MYH4: variants seen among roughly 807,000 people sequenced by gnomAD.
MYH4 encodes the protein myosin-4.
A neutral mutation model predicts 229.9 loss-of-function variants in MYH4; 200 were observed. The observed-to-expected ratio is 0.87, with a 90% CI of 0.78 to 0.98. The LOEUF (loss-of-function observed/expected upper bound fraction) is 0.98. Among genes scored for constraint, MYH4 ranks in the 50% least tolerant of loss-of-function variants. The pLI, the probability that MYH4 is intolerant of heterozygous loss-of-function variation, is 0.00. For synonymous variants in MYH4, 761 were observed against 834.6 expected, an observed-to-expected ratio of 0.91 and a Z score of 1.52; for missense variants, 2,148 against 2,332.6, an observed-to-expected ratio of 0.92 and a Z score of 1.63.
In MYH4 at chr17:10,448,908, C is replaced by A; in HGVS notation, c.4321G>T (p.Ala1441Ser). The change falls in exon 31 of 40, where the codon GCT (alanine) becomes TCT (serine). Residue 1441 changes from alanine (A) to serine (S), a missense_variant. By Grantham distance (99) the Ala-to-Ser change is moderately conservative. Transcript: ENST00000255381. Reference sequence around the variant, plus strand: ...TTCTTATCGAGAGCTATGCAGGCAGCATTAGATCGTTCCACATCAATCATG... The same window carrying A: ...TTCTTATCGAGAGCTATGCAGGCAGAATTAGATCGTTCCACATCAATCATG... ...DLMIDVERSNAACIALDKKQR... is the reference protein window; with the variant it reads ...DLMIDVERSNSACIALDKKQR... The A allele has an allele frequency of 6.2e-7, 1 of 1,614,166 alleles. No homozygotes were observed. The highest frequency in any genetic ancestry group is 8.5e-7 in the Non-Finnish European group (1 of 1,180,020).
Position 10,459,240 on chromosome 17 carries a change from G to A in MYH4, c.1587+11C>T, listed in dbSNP as rs756152717. 11 of 1,613,978 alleles carry A rather than the reference G, an allele frequency of 6.8e-6. No homozygotes were observed. The highest frequency in any genetic ancestry group is 9.3e-6 in the Non-Finnish European group (11 of 1,179,920). ...TTTTCATGTTTTGAAAGCTAGAAAA[G>A]TCATATGAACCTTCTCGATGAGCTC... On this transcript the variant is annotated intron_variant, in intron 15 of 39. Coordinates refer to ENST00000255381, the MANE Select transcript of MYH4 (RefSeq NM_017533.2).
At chr17:10,465,775 T>TTC (rs2072758301) in intron 4 of MYH4, among the ~76,000 whole-genome samples, 177 bp from the exon 5 acceptor site, 1 of 139,062 alleles carries the variant, frequency 7.2e-6, no homozygotes, top group Admixed American at 7.1e-5. Flanking sequence ...TTTTTCTTTT[T>TTC]TTTTTTTTTT....
In MYH4 at chr17:10,460,933, T is replaced by A. The variant is rs1426751240; in HGVS notation, c.1130A>T (p.Glu377Val). 2 of 1,614,010 alleles carry A rather than the reference T, an allele frequency of 1.2e-6. No homozygotes were observed. Among genetic ancestry groups the A allele is most frequent in the African/African-American group, 2.7e-5 (2 of 74,920 alleles). ...FKQKQREEQA[E>V]PDGTEVADKA... ...GGTGGTACCTTCCGTGCCATCTGGC[T>A]CTGCCTGCTCTTCCCTTTGCTTTTG... is the stretch of plus-strand genomic sequence containing the variant. Residue 377 changes from glutamate to valine, a missense_variant, in exon 12 of 40, where the codon GAG (glutamate) becomes GTG (valine). Coordinates refer to ENST00000255381, the MANE Select transcript of MYH4 (RefSeq NM_017533.2).
At chr17:10,456,589 G>T in intron 16 of MYH4, 34 bp from the exon 17 acceptor site, 1 of 1,571,316 alleles carries the variant, frequency 6.4e-7, no homozygotes, top group Non-Finnish European at 8.8e-7. Context: ...AAAGTTATTT[G>T]CAACTGCCTT....
chr17:10,443,770 CA>C lies in MYH4; in HGVS notation c.5668-244del, dbSNP rs1366716878. Among the ~76,000 whole-genome samples, 1 of 151,926 alleles carries C rather than the reference CA, an allele frequency of 6.6e-6. No homozygotes were observed. Among genetic ancestry groups the C allele is most frequent in the East Asian group, 1.9e-4 (1 of 5,170 alleles). ...ACCCCCATCTTTACTAAAATTAGCC[CA>C]GCGTAGTGGTGGATGCCTGTAATTC... On this transcript the variant is annotated intron_variant, in intron 39 of 39. Transcript: ENST00000255381. This position sits in a 1 kb window ranked among gnomAD's most constrained non-coding sequence, Gnocchi z 4.6.
At chr17:10,458,756 A>T (rs2072668246) in intron 15 of MYH4, among the ~76,000 whole-genome samples, 1 of 152,180 alleles carries the variant, frequency 6.6e-6, no homozygotes, top group Non-Finnish European at 1.5e-5. Flanking sequence ...TAGGTAAGTG[A>T]TACAGAGGTT....
At chr17:10,453,991 G>T in intron 22 of MYH4, 106 bp from the exon 23 acceptor site, 1 of 1,425,496 alleles carries the variant, frequency 7.0e-7, no homozygotes, top group Non-Finnish European at 9.5e-7. Flanking sequence ...TGGTCAACAT[G>T]TATACCAGTT....
chr17:10,444,762 T>C, intron 38 of MYH4, 33 bp downstream of exon 38: 1 of 1,613,132 alleles, frequency 6.2e-7, no homozygotes, highest in Middle Eastern at 1.6e-4. Flanking sequence ...TCTTGAAAAC[T>C]ATAGGCCTGG....
intron 7 of MYH4, among the ~76,000 whole-genome samples, 198 bp from the exon 8 acceptor site, chr17:10,463,841 A>G (rs1320998932): frequency 6.6e-6 from 1 of 152,170 alleles, no homozygotes; most frequent in South Asian, 2.1e-4. Context: ...TGCATCCCCC[A>G]GGCCCAGAAA....
chr17:10,459,044 A>G (rs1188943699), intron 15 of MYH4, among the ~76,000 whole-genome samples: 2 of 152,204 alleles, frequency 1.3e-5, no homozygotes, highest in African/African-American at 4.8e-5. Flanking sequence ...ATGCGAATCC[A>G]TATGTGTGTG....
intron 33 of MYH4, 103 bp downstream of exon 33, chr17:10,448,293 T>C (rs1451434847): frequency 2.9e-6 from 4 of 1,380,028 alleles, no homozygotes; most frequent in Non-Finnish European, 1.9e-6. Flanking sequence ...TTTCACTGAA[T>C]TACTTGTGTT....
chr17:10,463,682 G>T (rs762135914), intron 7 of MYH4, 39 bp from the exon 8 acceptor site: 15 of 1,497,984 alleles, frequency 1.0e-5, no homozygotes, highest in Non-Finnish European at 1.4e-5. Flanking sequence ...GAAAAAAGTT[G>T]CAGTAAATAA....
intron 25 of MYH4, 73 bp from the exon 26 acceptor site, chr17:10,452,579 C>CT (rs1029630779): frequency 1.6e-5 from 23 of 1,450,262 alleles, no homozygotes; most frequent in African/African-American, 5.6e-5. Context: ...TAATCTAAGA[C>CT]TTTTTTTATA....
chr17:10,449,750 G>A (rs2072551679), intron 30 of MYH4, among the ~76,000 whole-genome samples: 1 of 152,002 alleles, frequency 6.6e-6, no homozygotes, highest in Non-Finnish European at 1.5e-5. Flanking sequence ...CTAAAATCTT[G>A]TCTACTACTC....
At chr17:10,451,293 C>T in intron 28 of MYH4, 33 bp downstream of exon 28, 2 of 1,608,072 alleles carry the variant, frequency 1.2e-6, no homozygotes, top group Non-Finnish European at 1.7e-6. Flanking sequence ...CATTCGTCAC[C>T]TCTCCGAAGG....
intron 5 of MYH4, among the ~76,000 whole-genome samples, chr17:10,465,121 T>C (rs1271182466): frequency 6.6e-6 from 1 of 152,226 alleles, no homozygotes. Context: ...ATGTATTATC[T>C]ATAATCCAAA....
intron 35 of MYH4, among the ~76,000 whole-genome samples, chr17:10,445,690 C>T (rs1036399922): frequency 1.3e-5 from 2 of 152,046 alleles, no homozygotes; most frequent in African/African-American, 2.4e-5. Flanking sequence ...TAATTTTTAG[C>T]TATTAACTCA....
At chr17:10,461,622 G>A (rs548354662) in intron 11 of MYH4, among the ~76,000 whole-genome samples, 1 of 152,184 alleles carries the variant, frequency 6.6e-6, no homozygotes, top group South Asian at 2.1e-4. Context: ...ACAGCTCAGC[G>A]ACCACGAGAT....
rs563253512 is a variant in MYH4, at chr17:10,464,681, G to A, written c.533C>T (p.Thr178Ile). The A allele has an allele frequency of 8.4e-5, 135 of 1,613,670 alleles. 1 individual carries two copies. The highest frequency in any genetic ancestry group is 3.7e-4 in the South Asian group (34 of 91,066). The change falls in exon 6 of 40, where the codon ACT becomes ATT. Residue 178 changes from threonine (T) to isoleucine (I), a missense_variant and splice_region_variant. Thr to Ile is a moderately conservative substitution (Grantham distance 89). Transcript: ENST00000255381. ...AAAGAAAGTAACGAAATCTACATAC[G>A]TAATCAAGATTGACTGGTTTTCACG... ...TDRENQSILI[T>I]GESGAGKTVN...
Sources: gnomAD v4.1 joint callset for allele counts (sites outside exome capture counted in the v4.1 genomes callset) on GRCh38, gnomAD v4.1.1 for gene constraint, Gnocchi (gnomAD v3.1) non-coding constraint, MANE v1.5 for transcripts, NCBI Gene and HGNC (gene_info 2026-07-23, HGNC 2026-07-21) for gene names.